Variants in ROBO2 observed in about 807,000 individuals in gnomAD.
The protein encoded by ROBO2 is roundabout homolog 2.
A neutral mutation model predicts 160.8 loss-of-function variants in ROBO2; 53 were observed. The observed-to-expected ratio is 0.33, with a 90% CI of 0.26 to 0.41. ROBO2 has a LOEUF of 0.41. Ranked by LOEUF, ROBO2 falls within the 10% of genes least tolerant of loss-of-function variation. ROBO2 has a pLI of 1.00. For missense variants in ROBO2, 1,577 were observed against 1,722.4 expected (o/e 0.92, Z 1.49); for synonymous variants, 664 against 611.7 (o/e 1.09, Z -1.26).
intron 2 of ROBO2, among the ~76,000 whole-genome samples, chr3:76,335,042 T>G (rs2073771739): frequency 6.6e-6 from 1 of 152,116 alleles, no homozygotes; most frequent in Admixed American, 6.6e-5. Context: ...AAAAATTTTT[T>G]TTGTTTTTGT....
chr3:77,565,084 G>C, exon 12 of ROBO2: 1 of 1,613,684 alleles, frequency 6.2e-7, no homozygotes, highest in South Asian at 1.1e-5. Flanking sequence ...AGGTCTCAGT[G>C]ACCCAAGTCC....
At chr3:77,194,317 C>A (rs949139412) in intron 2 of ROBO2, among the ~76,000 whole-genome samples, 8 of 152,134 alleles carry the variant, frequency 5.3e-5, no homozygotes, top group Admixed American at 4.6e-4. Flanking sequence ...CCTGTGGTCC[C>A]TGGACCTACT....
chr3:76,542,106 G>A (rs542556902), intron 2 of ROBO2, among the ~76,000 whole-genome samples: 16 of 151,776 alleles, frequency 1.1e-4, no homozygotes, highest in Non-Finnish European at 1.5e-4. Flanking sequence ...TTTCTCTCTT[G>A]TAGTTTAGAC....
chr3:76,162,880 A>ACTGGAAGT (rs1440589922), intron 2 of ROBO2, among the ~76,000 whole-genome samples: 76 of 151,966 alleles, frequency 5.0e-4, no homozygotes, highest in African/African-American at 1.8e-3. Context: ...TTTTCTTATC[A>ACTGGAAGT]CTGGAAGTCC....
chr3:77,089,127 A>G (rs9816491), intron 1 of ROBO2, among the ~76,000 whole-genome samples: 10,682 of 152,236 alleles, frequency 0.07, 403 homozygotes, highest in East Asian at 0.12. Context: ...CAAACAAAAA[A>G]CAACTGAAAT....
At chr3:76,492,132 A>T (rs1459223269) in intron 2 of ROBO2, among the ~76,000 whole-genome samples, 2 of 152,132 alleles carry the variant, frequency 1.3e-5, no homozygotes, top group African/African-American at 4.8e-5. Flanking sequence ...CGAACAAAAA[A>T]AAACACCCCC....
chr3:76,834,085 T>TCTTC (rs2067391338), intron 2 of ROBO2, among the ~76,000 whole-genome samples: 1 of 145,786 alleles, frequency 6.9e-6, no homozygotes, highest in Non-Finnish European at 1.5e-5. Flanking sequence ...TTTCTTTCTT[T>TCTTC]CTTTCTTTCT....
chr3:76,922,720 T>C (rs2076744825), intron 2 of ROBO2, among the ~76,000 whole-genome samples: 1 of 152,168 alleles, frequency 6.6e-6, no homozygotes, highest in Non-Finnish European at 1.5e-5. Flanking sequence ...TGTAAATCAC[T>C]CCTCATCACT....
intron 21 of ROBO2, 105 bp downstream of exon 22, chr3:77,608,059 C>A: frequency 1.9e-6 from 2 of 1,048,018 alleles, no homozygotes; most frequent in Non-Finnish European, 2.9e-6. Flanking sequence ...CTTTGCCCCC[C>A]ACCACCATGT....
At chr3:76,629,689 A>G (rs2089905295) in intron 2 of ROBO2, among the ~76,000 whole-genome samples, 1 of 152,194 alleles carries the variant, frequency 6.6e-6, no homozygotes, top group Non-Finnish European at 1.5e-5. Flanking sequence ...GCCCAGAAAC[A>G]ATACGTTGCA....
At chr3:76,020,601 A>G (rs1358395235) in intron 2 of ROBO2, among the ~76,000 whole-genome samples, 1 of 151,892 alleles carries the variant, frequency 6.6e-6, no homozygotes, top group Non-Finnish European at 1.5e-5. Context: ...CCTTAGAATT[A>G]TAAAAATCAA....
At chr3:76,029,137 G>A (rs1478779864) in intron 2 of ROBO2, among the ~76,000 whole-genome samples, 1 of 151,922 alleles carries the variant, frequency 6.6e-6, no homozygotes, top group African/African-American at 2.4e-5. Context: ...TGGAGGAAAA[G>A]AATTCTATCA....
intron 2 of ROBO2, among the ~76,000 whole-genome samples, chr3:77,171,932 G>C (rs1251597061): frequency 6.6e-6 from 1 of 152,160 alleles, no homozygotes; most frequent in African/African-American, 2.4e-5. Context: ...TCAAGTAGCT[G>C]TATTTATTTC....
intron 2 of ROBO2, among the ~76,000 whole-genome samples, chr3:77,271,726 G>A (rs1191943378): frequency 6.6e-6 from 1 of 152,180 alleles, no homozygotes; most frequent in East Asian, 1.9e-4. Context: ...TGTTGGTTGT[G>A]GGTGCCCTAA....
intron 2 of ROBO2, among the ~76,000 whole-genome samples, chr3:76,760,920 C>CTT (rs1228328752): frequency 6.7e-6 from 1 of 150,236 alleles, no homozygotes; most frequent in Non-Finnish European, 1.5e-5. Context: ...AACCTTGTAT[C>CTT]TTTTTTTTAT....
At chr3:77,066,396 G>T (rs1315751057) in intron 1 of ROBO2, among the ~76,000 whole-genome samples, 1 of 152,058 alleles carries the variant, frequency 6.6e-6, no homozygotes, top group Non-Finnish European at 1.5e-5. Flanking sequence ...AACATTAACT[G>T]CAGTTGGAAA....
At chr3:77,141,269 G>T (rs2076677020) in intron 2 of ROBO2, among the ~76,000 whole-genome samples, 1 of 151,476 alleles carries the variant, frequency 6.6e-6, no homozygotes, top group African/African-American at 2.4e-5. Context: ...GCTAAGATGG[G>T]ATGTACATAT....
chr3:76,155,431 A>G (rs1322406217), intron 2 of ROBO2, among the ~76,000 whole-genome samples: 8 of 152,166 alleles, frequency 5.3e-5, no homozygotes, highest in Admixed American at 1.3e-4. Flanking sequence ...ATGGAGAGAA[A>G]CAGACTTAAA....
chr3:76,412,825 A>T (rs1577034628), intron 2 of ROBO2, among the ~76,000 whole-genome samples: 1 of 152,128 alleles, frequency 6.6e-6, no homozygotes, highest in Non-Finnish European at 1.5e-5. Context: ...TGAATCTACC[A>T]TTCTGGGGTC....
Sources: allele counts gnomAD v4.1 joint callset (sites outside exome capture counted in the v4.1 genomes callset), GRCh38; gene constraint gnomAD v4.1.1; transcripts MANE v1.5; gene names NCBI Gene and HGNC (gene_info 2026-07-23, HGNC 2026-07-21).